Variants in SYN2 observed in about 807,000 individuals in gnomAD.
SYN2 encodes synapsin II, also known as synapsin-2.
Under a neutral mutation model 50.9 loss-of-function variants are expected in SYN2, and 19 were observed. That is an observed-to-expected ratio of 0.37 (90% CI 0.26 to 0.55). SYN2 has a LOEUF of 0.55. Ranked by LOEUF, SYN2 falls within the 20% of genes least tolerant of loss-of-function variation. The pLI is 0.81. For synonymous variants in SYN2, 255 were observed against 224.9 expected (o/e 1.13, Z -1.20); for missense variants, 587 against 576.4 (o/e 1.02, Z -0.19).
intron 11 of SYN2, chr3:12,185,576 G>T (rs1416912964): frequency 1.0e-6 from 1 of 985,780 alleles, no homozygotes; most frequent in Non-Finnish European, 1.2e-6. Flanking sequence ...CCATTCAGGT[G>T]TTTTGTACCT....
At position 12,145,667 on chromosome 3, in the gene SYN2, C is replaced by A. The variant is rs957231411; in HGVS notation, c.528-12C>A. On this transcript the variant is annotated splice_polypyrimidine_tract_variant and intron_variant, in intron 3 of 12. Transcript: ENST00000621198. ...CTGGTTAATGGCAAACCTGCCTCTA[C>A]CTTCTCACCAGGTCCTTCCGGCCAG... The A allele has an allele frequency of 2.5e-6, 4 of 1,612,856 alleles. No individual in the cohort carries two copies. The African/African-American group carries it at 5.3e-5, about 22-fold the overall frequency.
At chr3:12,013,973 CTTGA>C (rs1402820555) in intron 1 of SYN2, among the ~76,000 whole-genome samples, 1 of 152,106 alleles carries the variant, frequency 6.6e-6, no homozygotes, top group Non-Finnish European at 1.5e-5. Flanking sequence ...CTTTCCTTTT[CTTGA>C]TTAAATTCAT....
At chr3:12,086,957 C>A (rs982934217) in intron 1 of SYN2, among the ~76,000 whole-genome samples, 4 of 151,990 alleles carry the variant, frequency 2.6e-5, no homozygotes, top group Admixed American at 6.6e-5. Context: ...TTTTAAAAAT[C>A]CTAAAGACTC....
chr3:12,024,645 T>C (rs1003832744), intron 1 of SYN2, among the ~76,000 whole-genome samples: 1 of 152,246 alleles, frequency 6.6e-6, no homozygotes, highest in Non-Finnish European at 1.5e-5. Context: ...TGCTGATTTG[T>C]ATTTCATTCT....
rs569943617 is a variant in SYN2, at chr3:12,092,371, C to T, written c.378-48280C>T. 1.1e-4 allele frequency among the ~76,000 whole-genome samples: 17 copies of T among 152,254 alleles called. No homozygotes were observed. The East Asian group carries it at 1.7e-3, about 16-fold the overall frequency. ...GTTAAGACACAATCATTGCTTTCCA[C>T]GAGCTCATTCTAGTAGGGAATACAA... On this transcript the variant is annotated intron_variant, in intron 1 of 12. Transcript: ENST00000621198.
chr3:12,143,410 TA>T (rs1406318843), intron 3 of SYN2, among the ~76,000 whole-genome samples: 3 of 152,104 alleles, frequency 2.0e-5, no homozygotes, highest in African/African-American at 7.2e-5. Flanking sequence ...TCATATCCAA[TA>T]GGTAATTTTT....
intron 5 of SYN2, among the ~76,000 whole-genome samples, chr3:12,152,623 T>C (rs894751995): frequency 7.2e-5 from 11 of 152,224 alleles, no homozygotes; most frequent in African/African-American, 2.7e-4. Context: ...TCCGGTGCTC[T>C]ATCCTGAAAT....
intron 1 of SYN2, among the ~76,000 whole-genome samples, chr3:12,130,102 A>G (rs1473392857): frequency 6.6e-6 from 1 of 152,100 alleles, no homozygotes; most frequent in African/African-American, 2.4e-5. Flanking sequence ...TAAGCCAGCC[A>G]GTCTATGGCA....
chr3:12,120,638 AGTTGT>A (rs1376388750), intron 1 of SYN2, among the ~76,000 whole-genome samples: 2 of 152,174 alleles, frequency 1.3e-5, no homozygotes, highest in Admixed American at 1.3e-4. Context: ...TGGAGGTGGT[AGTTGT>A]TTATAACCGC....
intron 1 of SYN2, among the ~76,000 whole-genome samples, chr3:12,032,522 C>G (rs200008613): frequency 0.63 from 13,811 of 22,030 alleles, 4,799 homozygotes; most frequent in Admixed American, 0.74. Flanking sequence ...GTACACCAAT[C>G]AGACGTAGAT....
chr3:12,029,335 G>A (rs1415832107), intron 1 of SYN2, among the ~76,000 whole-genome samples: 3 of 126,446 alleles, frequency 2.4e-5, no homozygotes, highest in African/African-American at 1.2e-4. Flanking sequence ...TGTTCTTTTG[G>A]CTTAGGATTG....
rs778816121 is a variant in SYN2 at position 12,162,032 on chromosome 3, C to T, written c.858C>T (p.Tyr286=). The change falls in exon 7 of 13, where the codon TAC becomes TAT. Residue 286 remains tyrosine, a synonymous_variant. Coordinates refer to ENST00000621198, the MANE Select transcript of SYN2 (RefSeq NM_133625.6). Reference sequence around the variant, plus strand: ...ATTAGGTCAAAGTGGAAAACCACTACGACTTCCAGGACATTGCCAGCGTGG... The same window carrying T: ...ATTAGGTCAAAGTGGAAAACCACTATGACTTCCAGGACATTGCCAGCGTGG... The part of the protein sequence containing the change: ...GMGKVKVENH[Y]DFQDIASVVA... 49 of 1,613,886 alleles carry T rather than the reference C, an allele frequency of 3.0e-5. No homozygotes were observed. The highest frequency in any genetic ancestry group is 7.7e-5 in the South Asian group (7 of 91,082).
At chr3:12,158,592 G>GT (rs1307107751) in intron 5 of SYN2, 1 of 1,490,606 alleles carries the variant, frequency 6.7e-7, no homozygotes, top group Non-Finnish European at 9.0e-7. Context: ...GAGACAACCG[G>GT]TAAGAATTTG....
intron 1 of SYN2, among the ~76,000 whole-genome samples, chr3:12,106,301 T>C (rs888672556): frequency 7.9e-5 from 12 of 152,190 alleles, no homozygotes; most frequent in Non-Finnish European, 1.8e-4. Flanking sequence ...TCTCTGCTTT[T>C]AAAGGGCTGT....
chr3:12,146,528 G>A (rs947305746), intron 4 of SYN2, among the ~76,000 whole-genome samples: 1 of 152,144 alleles, frequency 6.6e-6, no homozygotes, highest in African/African-American at 2.4e-5. Flanking sequence ...CACCTTACAA[G>A]GAAGATATCA....
At chr3:12,163,428 C>A (rs991363890) in intron 7 of SYN2, among the ~76,000 whole-genome samples, 4 of 151,210 alleles carry the variant, frequency 2.6e-5, no homozygotes, top group Admixed American at 1.3e-4. Context: ...TCACTACTTA[C>A]ACTCCCCACC....
At chr3:12,185,089 C>T (rs1241851560) in intron 11 of SYN2, 4 of 985,816 alleles carry the variant, frequency 4.1e-6, no homozygotes, top group Non-Finnish European at 4.8e-6. Flanking sequence ...TGAATGTTGT[C>T]ATCTGTAATC....
At chr3:12,187,942 G>A (rs1329713668) in intron 12 of SYN2, among the ~76,000 whole-genome samples, 2 of 152,038 alleles carry the variant, frequency 1.3e-5, no homozygotes, top group Non-Finnish European at 2.9e-5. Context: ...TCTTGTACTA[G>A]CTTAAGGTTT....
rs571957166 is a variant in SYN2, at chr3:12,111,473, A to G, written c.378-29178A>G. Among the ~76,000 whole-genome samples the G allele has an allele frequency of 5.3e-5, 8 of 152,260 alleles. No individual in the cohort carries two copies. In the East Asian group the frequency reaches 1.4e-3, roughly 26 times the overall value. ...ATTTTGACCCTCAATAAAGGTTGTT[A>G]TTATTTTCATCATCAGGATTATCAT... On this transcript the variant is annotated intron_variant, in intron 1 of 12. Transcript: ENST00000621198.
Sources: gnomAD v4.1 joint callset for allele counts (sites outside exome capture counted in the v4.1 genomes callset) on GRCh38, gnomAD v4.1.1 for gene constraint, MANE v1.5 for transcripts, NCBI Gene and HGNC (gene_info 2026-07-23, HGNC 2026-07-21) for gene names.